Variants in PCLO observed in about 807,000 individuals in gnomAD.
The protein encoded by PCLO is protein piccolo.
A neutral mutation model predicts 427.5 loss-of-function variants in PCLO; 82 were observed. The observed-to-expected ratio is 0.19, with a 90% CI of 0.16 to 0.23. The LOEUF is 0.23. PCLO is among the 10% of genes least tolerant of loss of function. The pLI is 1.00. For missense variants in PCLO, 6,239 were observed against 6,115.9 expected (o/e 1.02, Z -0.67); for synonymous variants, 2,357 against 2,155.4 (o/e 1.09, Z -2.59).
At position 82,902,987 on chromosome 7, in the gene PCLO, A is replaced by G. The variant is rs534220209; in HGVS notation, c.13438-246T>C. ...TGCAAAATGACTTGTTGTATTTGAA[A>G]AATTAATAAGTGCATGCAATAGGTT... On this transcript the variant is annotated intron_variant, in intron 8 of 24. Transcript: ENST00000333891. Among the ~76,000 whole-genome samples the G allele has an allele frequency of 8.5e-5, 13 of 152,160 alleles. 1 individual carries two copies. The highest frequency in any genetic ancestry group is 2.6e-4 in the Admixed American group (4 of 15,268).
intron 9 of PCLO, among the ~76,000 whole-genome samples, chr7:82,892,370 C>T (rs1793790456): frequency 1.3e-5 from 2 of 152,032 alleles, no homozygotes. Flanking sequence ...AACTGGCTAG[C>T]CATATGTAGA....
At chr7:83,153,951 G>C (rs1017430506) in intron 2 of PCLO, among the ~76,000 whole-genome samples, 1 of 151,196 alleles carries the variant, frequency 6.6e-6, no homozygotes, top group African/African-American at 2.4e-5. Context: ...ATTATTCCAG[G>C]CCTTTTCATG....
At chr7:82,922,337 C>G (rs780665535) in intron 6 of PCLO, among the ~76,000 whole-genome samples, 1 of 151,898 alleles carries the variant, frequency 6.6e-6, no homozygotes, top group Non-Finnish European at 1.5e-5. Flanking sequence ...AGAACCAAGC[C>G]AGATGTCCAT....
rs1032113447 is a variant in PCLO at position 82,785,672 on chromosome 7, C to T, written c.15007+15846G>A. 7.2e-5 allele frequency among the ~76,000 whole-genome samples: 11 copies of T among 152,094 alleles called. 1 individual carries two copies. The highest frequency in any genetic ancestry group is 7.2e-4 in the Admixed American group (11 of 15,272). ...CCTTAACAGAGCCAGATGGAGAGCG[C>T]CCACAGATAGGTTCTTGAAAAAGTA... On this transcript the variant is annotated intron_variant, in intron 22 of 24. Coordinates refer to ENST00000333891, the MANE Select transcript of PCLO (RefSeq NM_033026.6).
chr7:82,824,927 C>T (rs989753131), intron 18 of PCLO, among the ~76,000 whole-genome samples: 9 of 151,824 alleles, frequency 5.9e-5, no homozygotes, highest in East Asian at 1.9e-4. Flanking sequence ...CCAGCCTGGG[C>T]GACAGAGCAA....
chr7:83,014,715 C>G (rs1210480608), intron 3 of PCLO, among the ~76,000 whole-genome samples: 2 of 152,034 alleles, frequency 1.3e-5, no homozygotes, highest in Non-Finnish European at 2.9e-5. Context: ...AAGGCTGCAC[C>G]ATTTGAGGAG....
At chr7:83,112,011 T>C (rs1791015448) in intron 3 of PCLO, among the ~76,000 whole-genome samples, 1 of 151,422 alleles carries the variant, frequency 6.6e-6, no homozygotes, top group African/African-American at 2.4e-5. Flanking sequence ...AGTGACAGAG[T>C]ATTTTAATTA....
chr7:82,988,912 G>A (rs377698600), intron 3 of PCLO, among the ~76,000 whole-genome samples: 11 of 151,538 alleles, frequency 7.3e-5, no homozygotes, highest in South Asian at 2.1e-4. Context: ...TCGGCTCACC[G>A]CAACCTCTGC....
At position 82,961,227 on chromosome 7, in the gene PCLO, G is replaced by A. The variant is rs550279514; in HGVS notation, c.4018-4292C>T. Among the ~76,000 whole-genome samples the A allele has an allele frequency of 1.4e-3, 212 of 152,220 alleles. 1 individual carries two copies. The highest frequency in any genetic ancestry group is 4.7e-3 in the African/African-American group (196 of 41,534). On this transcript the variant is annotated intron_variant, in intron 4 of 24. Coordinates refer to ENST00000333891, the MANE Select transcript of PCLO (RefSeq NM_033026.6). ...ACTGACTACCACTAGGGAACAGAAG[G>A]GCAGACTCATGGAAGTCATGCTAGC...
At position 83,162,810 on chromosome 7, in the gene PCLO, C is replaced by T; in HGVS notation, c.-218G>A. 1 of 596,944 alleles carries T rather than the reference C, an allele frequency of 1.7e-6. No homozygotes were observed. Among genetic ancestry groups the T allele is most frequent in the Non-Finnish European group, 2.8e-6 (1 of 351,336 alleles). 37.0% of individuals were successfully genotyped at this position (596,944 alleles called of 1,614,324 possible). ...CTGCCGGTGCCTCCTCCATGTTGGA[C>T]AGCGCCAGGCAACCTTTGCAGAAGA... On this transcript the variant is annotated 5_prime_UTR_variant, in exon 1 of 25. Coordinates refer to ENST00000333891, the MANE Select transcript of PCLO (RefSeq NM_033026.6).
At position 82,916,349 on chromosome 7, in the gene PCLO, A is replaced by T; in HGVS notation, c.11637T>A (p.Val3879=). The stretch of plus-strand genomic sequence containing the variant: ...ATTGTGTGTAAGGACTTGTCGGAGG[A>T]ACTAGTTGAGATTCTGTTTGGGTTT... ...PPQTQTESQL[V]PPTSPYTQYQ... is the part of the protein sequence containing the mutation. Residue 3879 remains valine (V), a synonymous_variant, in exon 7 of 25, where the codon GTT becomes GTA. Coordinates refer to ENST00000333891, the MANE Select transcript of PCLO (RefSeq NM_033026.6). 1.2e-6 allele frequency: 2 copies of T among 1,613,636 alleles called. No homozygotes were observed. Among genetic ancestry groups the T allele is most frequent in the Non-Finnish European group, 1.7e-6 (2 of 1,179,732 alleles).
At chr7:83,057,131 T>C (rs1172857620) in intron 3 of PCLO, among the ~76,000 whole-genome samples, 1 of 149,602 alleles carries the variant, frequency 6.7e-6, no homozygotes, top group African/African-American at 2.4e-5. Context: ...TCACCGAGGC[T>C]GGAGTACAGT....
At chr7:82,978,971 T>A (rs1796087966) in intron 3 of PCLO, among the ~76,000 whole-genome samples, 1 of 151,970 alleles carries the variant, frequency 6.6e-6, no homozygotes, top group Non-Finnish European at 1.5e-5. Flanking sequence ...GAAAACAATG[T>A]ATAATTCATA....
chr7:82,939,912 T>A (rs1166633043), intron 6 of PCLO, among the ~76,000 whole-genome samples: 2 of 151,680 alleles, frequency 1.3e-5, no homozygotes, highest in Non-Finnish European at 2.9e-5. Context: ...TAGAAGACAA[T>A]ACTATTCACT....
chr7:82,884,611 GATACTTCT>G (rs1793587326), intron 9 of PCLO, among the ~76,000 whole-genome samples: 1 of 152,016 alleles, frequency 6.6e-6, no homozygotes, highest in African/African-American at 2.4e-5. Flanking sequence ...GGGTTTGCCG[GATACTTCT>G]ATAAAAGGCA....
rs1792481858 is a variant in PCLO, at chr7:83,162,758, G to A, written c.-166C>T. 11 of 855,576 alleles carry A rather than the reference G, an allele frequency of 1.3e-5. No homozygotes were observed. In the South Asian group the frequency reaches 1.8e-4, roughly 14 times the overall value. The allele number at this position is 855,576 out of a possible 1,614,324, so 53.0% of individuals were successfully genotyped here. A position where few individuals can be genotyped will look rare whatever the true frequency, so the allele number is the denominator to read the frequency against. ...CTGCCGCCCGGAACGCCAGGCAGGG[G>A]TTAGTCCCGCTCGCAGGTAACGCCC... On this transcript the variant is annotated 5_prime_UTR_variant, in exon 1 of 25. Transcript: ENST00000333891.
intron 10 of PCLO, among the ~76,000 whole-genome samples, chr7:82,851,877 C>T (rs1019217823): frequency 4.6e-5 from 7 of 152,066 alleles, no homozygotes; most frequent in African/African-American, 7.2e-5. Context: ...ATACTCATTG[C>T]TCATTCATTT....
chr7:83,128,768 T>C (rs1791502901), intron 3 of PCLO, among the ~76,000 whole-genome samples: 1 of 152,166 alleles, frequency 6.6e-6, no homozygotes, highest in African/African-American at 2.4e-5. Flanking sequence ...TACACACTCA[T>C]ACTCACTAGA....
chr7:83,153,246 A>C (rs1002214084), intron 2 of PCLO, among the ~76,000 whole-genome samples: 1 of 150,840 alleles, frequency 6.6e-6, no homozygotes, highest in Non-Finnish European at 1.5e-5. Flanking sequence ...TATATATATA[A>C]ACTACTTATA....
Sources: allele counts gnomAD v4.1 joint callset (sites outside exome capture counted in the v4.1 genomes callset), GRCh38; gene constraint gnomAD v4.1.1; transcripts MANE v1.5; gene names NCBI Gene and HGNC (gene_info 2026-07-23, HGNC 2026-07-21).